MAPK10: variants seen among roughly 807,000 people sequenced by gnomAD.
MAPK10 encodes JNK3 alpha protein kinase.
MAPK10 carries 25 observed loss-of-function variants against 59.3 expected under a neutral mutation model. The ratio of observed to expected loss-of-function variants is 0.42; its 90% CI spans 0.31 to 0.59. The LOEUF is 0.59. MAPK10 is among the 20% of genes least tolerant of loss of function. The pLI, the probability that MAPK10 is intolerant of heterozygous loss-of-function variation, is 0.15. For synonymous variants in MAPK10, 190 were observed against 200.5 expected, an observed-to-expected ratio of 0.95 and a Z score of 0.44; for missense variants, 351 against 568.9, an observed-to-expected ratio of 0.62 and a Z score of 3.90.
At chr4:86,135,504 C>G (rs1319230048) in intron 4 of MAPK10, among the ~76,000 whole-genome samples, 1 of 152,140 alleles carries the variant, frequency 6.6e-6, no homozygotes, top group African/African-American at 2.4e-5. Context: ...AACTAACAAA[C>G]AGAAAGGACA....
chr4:86,146,252 A>G, intron 4 of MAPK10, among the ~76,000 whole-genome samples: 1 of 152,250 alleles, frequency 6.6e-6, no homozygotes. Context: ...TTAGAAATTC[A>G]ACTGAAGGCA....
chr4:86,279,376 G>A (rs1468538420), intron 2 of MAPK10, among the ~76,000 whole-genome samples: 1 of 152,144 alleles, frequency 6.6e-6, no homozygotes, highest in Non-Finnish European at 1.5e-5. Context: ...CCTGTAGCCT[G>A]AAAGCCTAGC....
At chr4:86,205,056 T>C (rs1468057594) in intron 2 of MAPK10, among the ~76,000 whole-genome samples, 1 of 151,780 alleles carries the variant, frequency 6.6e-6, no homozygotes, top group African/African-American at 2.4e-5. Flanking sequence ...TTATATTAAA[T>C]GGAATTAAAG....
intron 1 of MAPK10, among the ~76,000 whole-genome samples, chr4:86,462,940 C>T (rs1377560080): frequency 2.0e-5 from 3 of 152,148 alleles, no homozygotes; most frequent in African/African-American, 4.8e-5. Flanking sequence ...CATTGTTAAG[C>T]CTCCAGAATC....
At position 86,168,663 on chromosome 4, in the gene MAPK10, C is replaced by A. The variant is rs2072848427; in HGVS notation, c.67-9196G>T. Among the ~76,000 whole-genome samples the A allele has an allele frequency of 2.0e-5, 3 of 152,162 alleles. No homozygotes were observed. In the South Asian group the frequency reaches 6.2e-4, roughly 31 times the overall value. ...CAGACAAACAAAAAGACAGCAGTAA[C>A]CTCTGCAGACTTAAATGTCCCTGTC... On this transcript the variant is annotated intron_variant, in intron 3 of 13. Coordinates refer to ENST00000641462, the MANE Select transcript of MAPK10 (RefSeq NM_138982.4).
At chr4:86,109,239 T>C (rs777750487) in intron 4 of MAPK10, among the ~76,000 whole-genome samples, 6 of 152,228 alleles carry the variant, frequency 3.9e-5, no homozygotes, top group Non-Finnish European at 5.9e-5. Flanking sequence ...ATTTATTTTA[T>C]TTAAAGTTCC....
chr4:86,087,619 CAGA>C (rs1251936899), intron 9 of MAPK10, among the ~76,000 whole-genome samples: 2 of 49,364 alleles, frequency 4.1e-5, no homozygotes, highest in African/African-American at 2.4e-4. Flanking sequence ...GTGTGTCAAA[CAGA>C]AGATTAGAAA....
rs576912734 is a variant in MAPK10, at chr4:86,076,438, A to T, written c.803-8483T>A. On this transcript the variant is annotated intron_variant, in intron 9 of 13. Transcript: ENST00000641462. Reference sequence around the variant, plus strand: ...CCTCCCCATGATTTTTCTTTATAATAACAATTAACCTAACATAAACGAAGA... The same window carrying T: ...CCTCCCCATGATTTTTCTTTATAATTACAATTAACCTAACATAAACGAAGA... Among the ~76,000 whole-genome samples, 130 of 152,294 alleles carry T rather than the reference A, an allele frequency of 8.5e-4. 1 individual carries two copies. The highest frequency in any genetic ancestry group is 1.2e-3 in the Non-Finnish European group (84 of 68,006).
chr4:86,345,829 C>T (rs1406952477), intron 2 of MAPK10, among the ~76,000 whole-genome samples: 3 of 152,138 alleles, frequency 2.0e-5, no homozygotes, highest in Non-Finnish European at 4.4e-5. Flanking sequence ...TTTAATGCAC[C>T]ATATTTATTC....
intron 2 of MAPK10, among the ~76,000 whole-genome samples, chr4:86,248,619 T>G (rs1287377220): frequency 6.6e-6 from 1 of 152,196 alleles, no homozygotes; most frequent in Non-Finnish European, 1.5e-5. Context: ...AGCTCATGCT[T>G]CATCAAAGAA....
chr4:86,019,910 G>A (rs184888679), intron 13 of MAPK10, among the ~76,000 whole-genome samples: 3 of 152,292 alleles, frequency 2.0e-5, no homozygotes, highest in African/African-American at 7.2e-5. Context: ...GGTATAGAAT[G>A]ATGCTCATAT....
intron 2 of MAPK10, among the ~76,000 whole-genome samples, chr4:86,235,800 C>G (rs570012824): frequency 2.0e-5 from 3 of 152,278 alleles, no homozygotes; most frequent in Admixed American, 6.5e-5. Context: ...TGAGGAGAAG[C>G]TTCAAAAAAT....
intron 2 of MAPK10, among the ~76,000 whole-genome samples, chr4:86,274,229 C>T (rs1368107856): frequency 6.6e-6 from 1 of 151,826 alleles, no homozygotes; most frequent in African/African-American, 2.4e-5. Flanking sequence ...AATACTTTTA[C>T]CTTTACCATA....
chr4:86,293,109 C>G lies in MAPK10; in HGVS notation c.-7+61421G>C, dbSNP rs146902312. Among the ~76,000 whole-genome samples the G allele has an allele frequency of 5.8e-3, 885 of 152,274 alleles. 9 individuals are homozygous for G. Among genetic ancestry groups the G allele is most frequent in the African/African-American group, 0.02 (832 of 41,542 alleles). Reference sequence around the variant, plus strand: ...AAATTCACTGAGTCTTCAGAACAATCTAACATTTATTTTACATACTCTATT... The same window carrying G: ...AAATTCACTGAGTCTTCAGAACAATGTAACATTTATTTTACATACTCTATT... On this transcript the variant is annotated intron_variant, in intron 2 of 13. Coordinates refer to ENST00000641462, the MANE Select transcript of MAPK10 (RefSeq NM_138982.4).
chr4:86,191,423 G>T (rs562666104), intron 3 of MAPK10, among the ~76,000 whole-genome samples: 1 of 152,120 alleles, frequency 6.6e-6, no homozygotes, highest in Non-Finnish European at 1.5e-5. Context: ...ATGAATCCAG[G>T]TGCTCCTGTA....
chr4:86,566,673 C>T (rs553161287), intron 1 of MAPK10, among the ~76,000 whole-genome samples: 4 of 151,994 alleles, frequency 2.6e-5, no homozygotes, highest in African/African-American at 9.7e-5. Flanking sequence ...CGACACAGTA[C>T]CACTGCACTC....
chr4:86,454,998 T>G (rs1014813415), upstream of MAPK10, among the ~76,000 whole-genome samples: 2 of 152,104 alleles, frequency 1.3e-5, no homozygotes, highest in African/African-American at 2.4e-5. Context: ...AACAAAACAA[T>G]TATCAGCCAA....
rs1011768603 is a variant in MAPK10, at chr4:86,423,194, G to A, written c.-122+29836C>T. On this transcript the variant is annotated intron_variant, in intron 1 of 13. Coordinates refer to the MAPK10 transcript ENST00000361569. ...AGACAAAAGGCATTCTGAGATAGCA[G>A]CATTCTAAGAATTTTCCTCATTATT... Among the ~76,000 whole-genome samples, 5 of 152,226 alleles carry A rather than the reference G, an allele frequency of 3.3e-5. No individual in the cohort carries two copies. In the East Asian group the frequency reaches 9.7e-4, roughly 29 times the overall value.
intron 3 of MAPK10, among the ~76,000 whole-genome samples, chr4:86,177,740 C>T (rs1206372995): frequency 2.6e-5 from 4 of 151,906 alleles, no homozygotes; most frequent in South Asian, 2.1e-4. Flanking sequence ...GGTTACTGCA[C>T]CCCATAAAAC....
Sources: allele counts gnomAD v4.1 joint callset (sites outside exome capture counted in the v4.1 genomes callset), GRCh38; gene constraint gnomAD v4.1.1; transcripts MANE v1.5; gene names NCBI Gene and HGNC (gene_info 2026-07-23, HGNC 2026-07-21).